Variants in HS6ST2 observed in about 807,000 individuals in gnomAD.
HS6ST2 encodes the protein heparan-sulfate 6-O-sulfotransferase 2.
In HS6ST2, 17 loss-of-function variants were observed where a neutral mutation model predicts 33.0. The ratio of observed to expected loss-of-function variants is 0.52; its 90% CI spans 0.35 to 0.77. The LOEUF (loss-of-function observed/expected upper bound fraction) is 0.77. Ranked by LOEUF, HS6ST2 falls within the 30% of genes least tolerant of loss-of-function variation. The probability of loss-of-function intolerance (pLI) is 0.01; values close to 1 mark genes in which losing one functional copy is unlikely to be tolerated. For synonymous variants in HS6ST2, 248 were observed against 237.1 expected, an observed-to-expected ratio of 1.05 and a Z score of -0.42; for missense variants, 519 against 551.7, an observed-to-expected ratio of 0.94 and a Z score of 0.59.
chrX:132,935,558 T>C (rs1257593121), intron 2 of HS6ST2, among the ~76,000 whole-genome samples: 1 of 110,865 alleles, frequency 9.0e-6, no homozygotes, highest in African/African-American at 3.3e-5. Flanking sequence ...AGAAATAGAG[T>C]TTCGCCATGT....
chrX:132,713,388 C>T (rs1436607514), intron 2 of HS6ST2, among the ~76,000 whole-genome samples: 1 of 111,865 alleles, frequency 8.9e-6, no homozygotes, highest in Admixed American at 9.4e-5. Flanking sequence ...GAGTCTGCGG[C>T]AGGCCTGCCA....
intron 2 of HS6ST2, among the ~76,000 whole-genome samples, chrX:132,734,606 C>G (rs1376951795): frequency 8.9e-6 from 1 of 111,746 alleles, no homozygotes; most frequent in Non-Finnish European, 1.9e-5. Flanking sequence ...GGGTGAATCT[C>G]CCCCTTCCTT....
intron 2 of HS6ST2, among the ~76,000 whole-genome samples, chrX:132,869,344 A>G (rs1039304759): frequency 2.7e-5 from 3 of 112,030 alleles, no homozygotes; most frequent in Non-Finnish European, 5.6e-5. Context: ...GGTACAAAGA[A>G]GAGCTGGTAC....
At chrX:132,747,946 A>C (rs934085347) in intron 2 of HS6ST2, among the ~76,000 whole-genome samples, 1 of 111,697 alleles carries the variant, frequency 9.0e-6, no homozygotes, top group Non-Finnish European at 1.9e-5. Flanking sequence ...CATGAGTGAC[A>C]AAAATCCTAT....
At chrX:132,837,981 G>A (rs915576158) in intron 2 of HS6ST2, among the ~76,000 whole-genome samples, 3 of 112,025 alleles carry the variant, frequency 2.7e-5, no homozygotes, top group Non-Finnish European at 5.6e-5. Flanking sequence ...TTTCTTTATG[G>A]CACAGGCATA....
intron 2 of HS6ST2, among the ~76,000 whole-genome samples, chrX:132,848,557 G>A (rs1010045962): frequency 3.3e-4 from 37 of 112,142 alleles, no homozygotes; most frequent in Middle Eastern, 4.7e-3. Flanking sequence ...CACTTGGGCC[G>A]TTTTCATAGA....
chrX:132,631,045 A>C (rs761244167), intron 4 of HS6ST2, among the ~76,000 whole-genome samples: 2 of 111,494 alleles, frequency 1.8e-5, no homozygotes, highest in East Asian at 5.6e-4. Context: ...GCTCTGTCCT[A>C]TTCTTCTATA....
At chrX:132,750,232 T>A (rs372535424) in intron 2 of HS6ST2, among the ~76,000 whole-genome samples, 10 of 109,818 alleles carry the variant, frequency 9.1e-5, no homozygotes, top group African/African-American at 3.0e-4. Flanking sequence ...CTTCTCCAAT[T>A]GCAGTGCCTG....
intron 2 of HS6ST2, among the ~76,000 whole-genome samples, chrX:132,765,598 G>A (rs995677854): frequency 1.8e-5 from 2 of 110,287 alleles, no homozygotes; most frequent in African/African-American, 3.3e-5. Context: ...CTGGCACCAC[G>A]GGCATGCACC....
chrX:132,687,652 T>C (rs1265956399), intron 3 of HS6ST2, among the ~76,000 whole-genome samples: 1 of 110,986 alleles, frequency 9.0e-6, no homozygotes, highest in Non-Finnish European at 1.9e-5. Flanking sequence ...TTCTAGAGTA[T>C]TCAGGTGCAA....
upstream of HS6ST2, among the ~76,000 whole-genome samples, chrX:132,959,560 C>G (rs1233820794): frequency 8.9e-6 from 1 of 112,282 alleles, no homozygotes; most frequent in Non-Finnish European, 1.9e-5. Context: ...GCATGTCCCT[C>G]CTGGAGACAG....
chrX:132,957,458 G>T (rs900694040), intron 1 of HS6ST2, 132 bp from the exon 2 acceptor site: 3 of 701,079 alleles, frequency 4.3e-6, no homozygotes, highest in African/African-American at 4.6e-5. Flanking sequence ...AGTACTCCAC[G>T]GCGGCGGCGG....
intron 2 of HS6ST2, among the ~76,000 whole-genome samples, chrX:132,846,419 G>A (rs1031637899): frequency 1.6e-4 from 18 of 112,630 alleles, no homozygotes; most frequent in South Asian, 3.7e-4. Flanking sequence ...ATCATTGAAA[G>A]CTGAAATGAG....
intron 3 of HS6ST2, among the ~76,000 whole-genome samples, chrX:132,682,331 G>A (rs765295996): frequency 8.9e-6 from 1 of 112,347 alleles, no homozygotes; most frequent in South Asian, 3.7e-4. Context: ...GCTCAAGAAC[G>A]TCAGTCTATC....
At chrX:132,767,382 T>A (rs1342747142) in intron 2 of HS6ST2, among the ~76,000 whole-genome samples, 1 of 111,528 alleles carries the variant, frequency 9.0e-6, no homozygotes, top group African/African-American at 3.3e-5. Flanking sequence ...CCATGCCCAG[T>A]GATTTTTTAA....
At chrX:132,648,809 G>A (rs757652817) in intron 4 of HS6ST2, among the ~76,000 whole-genome samples, 8 of 111,660 alleles carry the variant, frequency 7.2e-5, no homozygotes, top group African/African-American at 9.8e-5. Context: ...TGGGTCAATG[G>A]AGATATTATC....
At chrX:132,755,713 A>G (rs2064751861) in intron 2 of HS6ST2, among the ~76,000 whole-genome samples, 1 of 111,637 alleles carries the variant, frequency 9.0e-6, no homozygotes, top group Non-Finnish European at 1.9e-5. Context: ...ACATATCATT[A>G]CAGCTACTCA....
chrX:132,945,706 G>C (rs1374867212), intron 2 of HS6ST2, among the ~76,000 whole-genome samples: 2 of 109,370 alleles, frequency 1.8e-5, no homozygotes, highest in Non-Finnish European at 1.9e-5. Flanking sequence ...TCCTTTGCAG[G>C]GACATGGATG....
intron 2 of HS6ST2, among the ~76,000 whole-genome samples, chrX:132,872,402 T>C (rs755945191): frequency 2.7e-5 from 3 of 111,550 alleles, no homozygotes; most frequent in Non-Finnish European, 5.6e-5. Context: ...GTGAGGGACT[T>C]AGAAGGGACT....
Sources: allele counts gnomAD v4.1 joint callset (sites outside exome capture counted in the v4.1 genomes callset), GRCh38; gene constraint gnomAD v4.1.1; transcripts MANE v1.5; gene names NCBI Gene and HGNC (gene_info 2026-07-23, HGNC 2026-07-21).